ANK1: variants seen among roughly 807,000 people sequenced by gnomAD.
ANK1 encodes ankyrin 1, also known as ankyrin-1.
Under a neutral mutation model 210.4 loss-of-function variants are expected in ANK1, and 51 were observed. The observed-to-expected ratio is 0.24, with a 90% CI of 0.19 to 0.31. The LOEUF is 0.31. Among genes scored for constraint, ANK1 ranks in the 10% least tolerant of loss-of-function variants. The pLI is 1.00. For missense variants in ANK1, 2,051 were observed against 2,504.4 expected, an observed-to-expected ratio of 0.82 and a Z score of 3.86; for synonymous variants, 967 against 1,025.9, an observed-to-expected ratio of 0.94 and a Z score of 1.10.
At chr8:41,787,664 G>T (rs904102207) in intron 1 of ANK1, among the ~76,000 whole-genome samples, 20 of 152,156 alleles carry the variant, frequency 1.3e-4, no homozygotes, top group African/African-American at 4.6e-4. Flanking sequence ...GAAGGAGACA[G>T]AAAGAAGAAA....
chr8:41,874,599 G>A (rs1017073806), intron 1 of ANK1, among the ~76,000 whole-genome samples: 5 of 152,206 alleles, frequency 3.3e-5, no homozygotes, highest in African/African-American at 1.2e-4. Context: ...CCATCTTGCT[G>A]TCTTCCTCCA....
chr8:41,745,671 G>A (rs1835936751), intron 2 of ANK1, among the ~76,000 whole-genome samples: 1 of 152,054 alleles, frequency 6.6e-6, no homozygotes, highest in Non-Finnish European at 1.5e-5. Context: ...CCAGTATGAA[G>A]TTATAATTAC....
At chr8:41,733,728 A>G (rs917612349) in intron 3 of ANK1, among the ~76,000 whole-genome samples, 16 of 152,340 alleles carry the variant, frequency 1.1e-4, no homozygotes, top group African/African-American at 3.4e-4. Flanking sequence ...GTATAAAGCC[A>G]TCAGGAAAGG....
intron 35 of ANK1, among the ~76,000 whole-genome samples, chr8:41,687,916 A>T (rs968355296): frequency 6.6e-6 from 1 of 152,156 alleles, no homozygotes; most frequent in African/African-American, 2.4e-5. Context: ...GTCTCCTGTA[A>T]ACTCAAAAGC....
At chr8:41,894,238 A>G (rs146723995) in intron 1 of ANK1, among the ~76,000 whole-genome samples, 1 of 152,282 alleles carries the variant, frequency 6.6e-6, no homozygotes, top group East Asian at 1.9e-4. Flanking sequence ...TCATTATATT[A>G]ATCATAGCAC....
intron 24 of ANK1, chr8:41,697,631 C>T (rs972641122): frequency 8.7e-6 from 3 of 343,910 alleles, no homozygotes; most frequent in Non-Finnish European, 1.7e-5. Flanking sequence ...TGGTTGGGCC[C>T]CGGCTCCCAG....
chr8:41,788,066 G>C (rs1846794728), intron 1 of ANK1, among the ~76,000 whole-genome samples: 1 of 152,156 alleles, frequency 6.6e-6, no homozygotes, highest in African/African-American at 2.4e-5. Flanking sequence ...GTTGACACCA[G>C]GCAGTGAGAC....
At chr8:41,831,132 G>A (rs577446032) in intron 1 of ANK1, among the ~76,000 whole-genome samples, 3 of 152,264 alleles carry the variant, frequency 2.0e-5, no homozygotes, top group South Asian at 4.1e-4. Context: ...GGACCTTGAC[G>A]ACGACCTTCC....
At chr8:41,712,256 C>T (rs910496605) in intron 16 of ANK1, among the ~76,000 whole-genome samples, 3 of 152,168 alleles carry the variant, frequency 2.0e-5, no homozygotes, top group East Asian at 3.9e-4. Flanking sequence ...TACAAGGGTC[C>T]ATCACTTGAG....
chr8:41,661,905 T>C lies in ANK1; in HGVS notation c.5515A>G (p.Ser1839Gly), dbSNP rs771619205. ...TCGTGCTCCTGGGCGGCATCGGCGC[T>C]GGACAAGTCTATCTGTCGAACCACC... ...RKVVRQIDLS[S>G]ADAAQEHEEV... The change falls in exon 41 of 43, where the codon AGC becomes GGC. Residue 1839 changes from serine to glycine, a missense_variant. Ser to Gly is a moderately conservative substitution (Grantham distance 56). Around this residue, in one of 6 missense-constraint regions of ANK1, gnomAD observed 496 missense variants for 533.4 expected, o/e 0.93. Transcript: ENST00000289734. 2 of 1,613,936 alleles carry C rather than the reference T, an allele frequency of 1.2e-6. No individual in the cohort carries two copies. The highest frequency in any genetic ancestry group is 2.7e-5 in the African/African-American group (2 of 74,896).
chr8:41,680,137 C>A (rs1296967570), intron 37 of ANK1, among the ~76,000 whole-genome samples: 1 of 152,188 alleles, frequency 6.6e-6, no homozygotes, highest in South Asian at 2.1e-4. Flanking sequence ...CTTGGAATTG[C>A]GATGAGACTT....
At chr8:41,666,170 C>A (rs148681372) in intron 39 of ANK1, among the ~76,000 whole-genome samples, 13 of 152,344 alleles carry the variant, frequency 8.5e-5, no homozygotes, top group African/African-American at 3.1e-4. Context: ...GCTCTCCCCA[C>A]CCTTTCTCAA....
At chr8:41,684,840 C>T in intron 36 of ANK1, 150 bp from the exon 37 acceptor site, 2 of 1,002,564 alleles carry the variant, frequency 2.0e-6, no homozygotes, top group African/African-American at 3.2e-5. Flanking sequence ...TCAAAACAAA[C>T]TTCCTCTGGG....
intron 1 of ANK1, among the ~76,000 whole-genome samples, chr8:41,764,219 G>A (rs1445349540): frequency 6.6e-6 from 1 of 151,930 alleles, no homozygotes; most frequent in Non-Finnish European, 1.5e-5. Flanking sequence ...AACCTCCTAG[G>A]GGCCAGGCAA....
intron 1 of ANK1, among the ~76,000 whole-genome samples, chr8:41,777,327 C>A (rs1844266237): frequency 1.3e-5 from 2 of 152,150 alleles, no homozygotes; most frequent in Non-Finnish European, 2.9e-5. Context: ...GTAATCCCAG[C>A]ACTTTGGGAG....
At chr8:41,693,301 G>A (rs1819804263) in intron 29 of ANK1, 100 bp from the exon 30 acceptor site, 1 of 1,101,908 alleles carries the variant, frequency 9.1e-7, no homozygotes, top group Non-Finnish European at 1.4e-6. Context: ...GAGACTGGGT[G>A]AAGCTCACTT....
intron 13 of ANK1, among the ~76,000 whole-genome samples, chr8:41,716,353 AC>A (rs982537593): frequency 2.7e-5 from 4 of 148,238 alleles, no homozygotes; most frequent in South Asian, 2.2e-4. Context: ...TTCCACCCAC[AC>A]CCCCCCACTT....
chr8:41,668,452 T>C lies in ANK1; in HGVS notation c.5209A>G (p.Thr1737Ala). The change falls in exon 39 of 43, where the codon ACC becomes GCC. Residue 1737 changes from threonine to alanine, a missense_variant. Transcript: ENST00000289734. Reference sequence around the variant, plus strand: ...CCGGGCTCTAGCCCTTCAGTCATGGTACTTGTTCCCTGGAATGAGTGTGGA... The same window carrying C: ...CCGGGCTCTAGCCCTTCAGTCATGGCACTTGTTCCCTGGAATGAGTGTGGA... Reference protein sequence around the residue: ...QGPHSFQGTSTMTEGLEPGGS... With the variant: ...QGPHSFQGTSAMTEGLEPGGS... The C allele has an allele frequency of 1.2e-6, 2 of 1,614,256 alleles. No individual in the cohort carries two copies. The highest frequency in any genetic ancestry group is 2.7e-5 in the African/African-American group (2 of 75,070).
chr8:41,854,817 G>A (rs1202366652), intron 1 of ANK1, among the ~76,000 whole-genome samples: 1 of 152,112 alleles, frequency 6.6e-6, no homozygotes, highest in Non-Finnish European at 1.5e-5. Context: ...AGGTGTGGTT[G>A]CGCACAGCTG....
Sources: allele counts gnomAD v4.1 joint callset (sites outside exome capture counted in the v4.1 genomes callset), GRCh38; gene constraint gnomAD v4.1.1; regional missense constraint gnomAD v4.1.1; transcripts MANE v1.5; gene names NCBI Gene and HGNC (gene_info 2026-07-23, HGNC 2026-07-21).